The following KCNIP4 variants were observed in gnomAD, a reference collection of about 807,000 sequenced individuals.
KCNIP4 encodes potassium voltage-gated channel interacting protein 4.
Under a neutral mutation model 34.0 loss-of-function variants are expected in KCNIP4, and 12 were observed. The observed-to-expected ratio is 0.35, with a 90% CI of 0.23 to 0.57. KCNIP4 has a LOEUF of 0.57. Ranked by LOEUF, KCNIP4 falls within the 20% of genes least tolerant of loss-of-function variation. KCNIP4 has a pLI of 0.83. For synonymous variants in KCNIP4, 124 were observed against 102.2 expected (o/e 1.21, Z -1.29); for missense variants, 238 against 311.7 (o/e 0.76, Z 1.78).
intron 4 of KCNIP4, among the ~76,000 whole-genome samples, chr4:20,753,739 T>G (rs1255053849): frequency 6.6e-6 from 1 of 152,130 alleles, no homozygotes; most frequent in African/African-American, 2.4e-5. Context: ...ACCCTGAAAA[T>G]TGTTAGAAAT....
chr4:20,868,997 T>C (rs149746027), intron 2 of KCNIP4, among the ~76,000 whole-genome samples: 2 of 152,152 alleles, frequency 1.3e-5, no homozygotes, highest in Non-Finnish European at 2.9e-5. Flanking sequence ...AACATTACTG[T>C]AAAGAGATAG....
intron 1 of KCNIP4, among the ~76,000 whole-genome samples, chr4:21,332,531 C>T (rs1336987515): frequency 6.6e-6 from 1 of 151,880 alleles, no homozygotes; most frequent in East Asian, 1.9e-4. Flanking sequence ...TCAATCCCCT[C>T]TCTGTAAATG....
intron 2 of KCNIP4, among the ~76,000 whole-genome samples, chr4:20,865,268 T>C (rs1722754228): frequency 6.6e-6 from 1 of 152,016 alleles, no homozygotes; most frequent in Non-Finnish European, 1.5e-5. Context: ...AAAAACATCA[T>C]AGGCATATTA....
intron 2 of KCNIP4, among the ~76,000 whole-genome samples, chr4:20,864,115 T>G (rs1429754162): frequency 8.1e-6 from 1 of 123,144 alleles, no homozygotes; most frequent in South Asian, 2.3e-4. Flanking sequence ...TATGTATACA[T>G]ATCCATGTAT....
At chr4:21,665,535 T>A (rs1286244175) in intron 1 of KCNIP4, among the ~76,000 whole-genome samples, 3 of 141,722 alleles carry the variant, frequency 2.1e-5, no homozygotes, top group Admixed American at 7.0e-5. Flanking sequence ...ATTTTATACA[T>A]GTATTTTCTT....
At chr4:21,426,891 C>CACTTTTTTA (rs1376735642) in intron 1 of KCNIP4, among the ~76,000 whole-genome samples, 8 of 141,848 alleles carry the variant, frequency 5.6e-5, no homozygotes, top group African/African-American at 2.1e-4. Context: ...TTAAGCATGT[C>CACTTTTTTA]ACTTTTTTAA....
intron 1 of KCNIP4, among the ~76,000 whole-genome samples, chr4:21,207,008 C>T (rs1012910182): frequency 6.6e-6 from 1 of 152,170 alleles, no homozygotes; most frequent in African/African-American, 2.4e-5. Flanking sequence ...TGATCACTGT[C>T]TTTGATAGCC....
chr4:21,167,056 G>A (rs959028202), intron 1 of KCNIP4, among the ~76,000 whole-genome samples: 6 of 149,476 alleles, frequency 4.0e-5, no homozygotes, highest in Non-Finnish European at 8.9e-5. Context: ...AAATATTGAT[G>A]TGCACAGCAA....
intron 1 of KCNIP4, among the ~76,000 whole-genome samples, chr4:21,300,072 G>A (rs1764071903): frequency 6.6e-6 from 1 of 151,902 alleles, no homozygotes; most frequent in Non-Finnish European, 1.5e-5. Context: ...ATGCATTTTT[G>A]TGAAATTTTG....
chr4:21,401,632 G>T (rs1029998772), intron 1 of KCNIP4, among the ~76,000 whole-genome samples: 1 of 152,218 alleles, frequency 6.6e-6, no homozygotes, highest in African/African-American at 2.4e-5. Flanking sequence ...CTGAGAAAAA[G>T]CCAGCAACAG....
At chr4:21,306,278 G>A (rs961426733) in intron 1 of KCNIP4, among the ~76,000 whole-genome samples, 1 of 152,138 alleles carries the variant, frequency 6.6e-6, no homozygotes, top group Non-Finnish European at 1.5e-5. Flanking sequence ...TATCCAACAG[G>A]GCTTTAAATG....
intron 1 of KCNIP4, among the ~76,000 whole-genome samples, chr4:21,537,624 G>T (rs902385977): frequency 6.6e-6 from 1 of 152,140 alleles, no homozygotes; most frequent in African/African-American, 2.4e-5. Flanking sequence ...TTTGGAAATA[G>T]AGTCTTTGCA....
intron 1 of KCNIP4, among the ~76,000 whole-genome samples, chr4:21,192,020 A>G (rs372420036): frequency 2.2e-4 from 34 of 152,342 alleles, no homozygotes; most frequent in East Asian, 1.2e-3. Flanking sequence ...GTTTTATATT[A>G]TAGTTAACAT....
intron 3 of KCNIP4, among the ~76,000 whole-genome samples, chr4:20,828,276 G>A (rs936393426): frequency 1.3e-5 from 2 of 152,008 alleles, no homozygotes; most frequent in African/African-American, 4.8e-5. Flanking sequence ...AAAATACAAA[G>A]ATTAGCTGGG....
At chr4:21,107,173 G>C (rs372476845) in intron 1 of KCNIP4, among the ~76,000 whole-genome samples, 32,494 of 136,232 alleles carry the variant, frequency 0.24, 4,400 homozygotes, top group African/African-American at 0.34. Context: ...CTGTCTCATT[G>C]ATCTGTCTAA....
chr4:21,638,563 C>T (rs1746389245), intron 1 of KCNIP4, among the ~76,000 whole-genome samples: 1 of 152,168 alleles, frequency 6.6e-6, no homozygotes, highest in Non-Finnish European at 1.5e-5. Context: ...TCCTGGCAAC[C>T]TCCCGTGTAA....
chr4:21,086,990 T>TCTC (rs1479617674), intron 1 of KCNIP4, among the ~76,000 whole-genome samples: 1 of 137,514 alleles, frequency 7.3e-6, no homozygotes, highest in Admixed American at 7.3e-5. Context: ...TCTTTCTTTC[T>TCTC]TTTTTTTTTT....
chr4:21,563,529 A>G (rs1326289716), intron 1 of KCNIP4, among the ~76,000 whole-genome samples: 1 of 152,146 alleles, frequency 6.6e-6, no homozygotes, highest in African/African-American at 2.4e-5. Flanking sequence ...GGCAACGAAA[A>G]TTCCAAAATG....
At chr4:21,179,121 T>C (rs1241951773) in intron 1 of KCNIP4, among the ~76,000 whole-genome samples, 1 of 152,112 alleles carries the variant, frequency 6.6e-6, no homozygotes, top group Non-Finnish European at 1.5e-5. Context: ...CCAGCAAACA[T>C]CTATATTTTC....
Sources: allele counts gnomAD v4.1 joint callset (sites outside exome capture counted in the v4.1 genomes callset), GRCh38; gene constraint gnomAD v4.1.1; transcripts MANE v1.5; gene names NCBI Gene and HGNC (gene_info 2026-07-23, HGNC 2026-07-21).